The following GRHL1 variants were observed in gnomAD, a reference collection of about 807,000 sequenced individuals.
GRHL1 encodes the protein grainyhead like transcription factor 1.
In GRHL1, 38 loss-of-function variants were observed where a neutral mutation model predicts 75.7. The observed-to-expected ratio is 0.50, with a 90% CI of 0.39 to 0.66. The LOEUF (loss-of-function observed/expected upper bound fraction) is 0.66, where lower values mean the gene tolerates loss of function less well. Among genes scored for constraint, GRHL1 ranks in the 30% least tolerant of loss-of-function variants. The probability of loss-of-function intolerance (pLI) is 0.00; values close to 1 mark genes in which losing one functional copy is unlikely to be tolerated. For missense variants in GRHL1, 589 were observed against 767.5 expected, an observed-to-expected ratio of 0.77 and a Z score of 2.75; for synonymous variants, 266 against 279.4, an observed-to-expected ratio of 0.95 and a Z score of 0.48.
rs544883323 is a variant in GRHL1, at chr2:9,998,697, C to T, written c.1678-268C>T. Among the ~76,000 whole-genome samples, 6 of 40,132 alleles carry T rather than the reference C, an allele frequency of 1.5e-4. 1 individual carries two copies. The highest frequency in any genetic ancestry group is 5.8e-4 in the East Asian group (1 of 1,714). 26.3% of individuals were successfully genotyped at this position (40,132 alleles called of 152,430 possible). ...ATATATATACATATATATGTACACA[C>T]ATATATATACATATATATGTACACA... On this transcript the variant is annotated intron_variant, in intron 14 of 15. Coordinates refer to ENST00000324907, the MANE Select transcript of GRHL1 (RefSeq NM_198182.3).
rs367564342 is a variant in GRHL1 at position 9,996,453 on chromosome 2, A to G, written c.1677+52A>G. On this transcript the variant is annotated intron_variant, in intron 14 of 15. Transcript: ENST00000324907. ...CTGTACAAAATGAAAGGACAAGTAC[A>G]TAGGATTTCATTGAAACACTTTATC... The G allele has an allele frequency of 5.3e-6, 6 of 1,132,360 alleles. 1 individual carries two copies. Among genetic ancestry groups the G allele is most frequent in the South Asian group, 3.7e-5 (3 of 81,160 alleles). 70.1% of individuals were successfully genotyped at this position (1,132,360 alleles called of 1,614,324 possible).
At chr2:9,993,655 C>T (rs966756407) in intron 12 of GRHL1, among the ~76,000 whole-genome samples, 16 of 152,194 alleles carry the variant, frequency 1.1e-4, no homozygotes, top group African/African-American at 3.9e-4. Context: ...GTGTCTGCTG[C>T]TCTCTCATGG....
At chr2:9,993,407 C>T (rs1668727738) in intron 12 of GRHL1, among the ~76,000 whole-genome samples, 163 bp downstream of exon 12, 1 of 152,196 alleles carries the variant, frequency 6.6e-6, no homozygotes, top group South Asian at 2.1e-4. Context: ...GTATATATTT[C>T]CTACCAACAA....
At chr2:9,970,019 A>G (rs1430349120) in intron 8 of GRHL1, among the ~76,000 whole-genome samples, 1 of 151,760 alleles carries the variant, frequency 6.6e-6, no homozygotes, top group Non-Finnish European at 1.5e-5. Context: ...ATTTTTTTGT[A>G]TTTTTAGTAG....
At chr2:9,991,041 A>G (rs1024192549) in intron 10 of GRHL1, among the ~76,000 whole-genome samples, 8 of 152,162 alleles carry the variant, frequency 5.3e-5, no homozygotes, top group African/African-American at 1.9e-4. Context: ...AAAAATGACA[A>G]CACGTTCTGC....
chr2:9,999,097 AC>A (rs914131563), intron 15 of GRHL1, 68 bp downstream of exon 15: 55 of 688,278 alleles, frequency 8.0e-5, no homozygotes, highest in East Asian at 3.4e-4. Flanking sequence ...AGTGTGACGC[AC>A]CCCCCAGTGC....
At chr2:9,958,947 C>A in intron 3 of GRHL1, 91 bp downstream of exon 3, 1 of 1,532,076 alleles carries the variant, frequency 6.5e-7, no homozygotes, top group East Asian at 2.4e-5. Flanking sequence ...AATGAACAAC[C>A]ACTAGTGAAA....
At chr2:9,997,159 A>G (rs1668899901) in intron 14 of GRHL1, among the ~76,000 whole-genome samples, 1 of 152,172 alleles carries the variant, frequency 6.6e-6, no homozygotes, top group African/African-American at 2.4e-5. Context: ...ACATCTTGAT[A>G]AAGGGCTTGC....
chr2:9,955,468 G>A (rs73159948), intron 2 of GRHL1, among the ~76,000 whole-genome samples: 323 of 152,270 alleles, frequency 2.1e-3, no homozygotes, highest in African/African-American at 7.3e-3. Context: ...TGGGTAGTCA[G>A]GATGATTTCC....
intron 8 of GRHL1, among the ~76,000 whole-genome samples, chr2:9,971,647 TAAAC>T (rs144952156): frequency 0.017 from 2,656 of 152,304 alleles, 31 homozygotes; most frequent in Non-Finnish European, 0.025. Context: ...GCTATTAAAA[TAAAC>T]AATGAAATGT....
At chr2:9,966,155 T>G (rs1287350713) in intron 8 of GRHL1, 2 of 152,254 alleles carry the variant, frequency 1.3e-5, no homozygotes, top group Non-Finnish European at 2.9e-5. Flanking sequence ...CCCAGCACTT[T>G]GGGAGGCTGC....
At chr2:9,977,669 A>G (rs1366478595) in intron 8 of GRHL1, among the ~76,000 whole-genome samples, 1 of 152,180 alleles carries the variant, frequency 6.6e-6, no homozygotes, top group African/African-American at 2.4e-5. Context: ...CAAGGGACCT[A>G]GGGAACTTAC....
chr2:9,983,776 C>CTTT lies in GRHL1; in HGVS notation c.1111-2337_1111-2335dup, dbSNP rs71391180. Among the ~76,000 whole-genome samples the CTTT allele has an allele frequency of 6.6e-3, 954 of 144,064 alleles. 9 individuals carry two copies. The highest frequency in any genetic ancestry group is 0.019 in the African/African-American group (737 of 39,458). 94.5% of individuals were successfully genotyped at this position (144,064 alleles called of 152,430 possible). On this transcript the variant is annotated intron_variant, in intron 8 of 15. Transcript: ENST00000324907. ...TACTTTGCTTAGTTGTTTGCATGGA[C>CTTT]TTTTTTTTTTTTTAAACCTGAATGC...
chr2:9,999,072 G>GC (rs766931295), intron 15 of GRHL1, 43 bp downstream of exon 15: 7 of 1,038,798 alleles, frequency 6.7e-6, no homozygotes, highest in Non-Finnish European at 7.2e-6. Context: ...AAGTGCTGAT[G>GC]CCCCCCGCAG....
intron 1 of GRHL1, chr2:9,953,018 A>G (rs1486772546): frequency 2.0e-5 from 9 of 456,796 alleles, no homozygotes; most frequent in Admixed American, 1.9e-4. Flanking sequence ...ACTGAAGCCT[A>G]CTTCCTGACT....
intron 8 of GRHL1, among the ~76,000 whole-genome samples, chr2:9,978,915 C>T (rs528435346): frequency 2.8e-4 from 43 of 152,056 alleles, no homozygotes; most frequent in African/African-American, 7.7e-4. Flanking sequence ...CACTTCAACC[C>T]GGGAGGCGGA....
In GRHL1 at chr2:9,990,903, C is replaced by A; in HGVS notation, c.1321+156C>A. The A allele has an allele frequency of 1.8e-6, 1 of 558,608 alleles. No individual in the cohort carries two copies. The highest frequency in any genetic ancestry group is 3.0e-5 in the East Asian group (1 of 33,254). 34.6% of individuals were successfully genotyped at this position (558,608 alleles called of 1,614,324 possible). ...CTGCAGTGTGGCACTGCCTCTTCCT[C>A]AGATCAGCAGCAGATGCCAGCTCAG... is the stretch of plus-strand genomic sequence containing the variant. On this transcript the variant is annotated intron_variant, in intron 10 of 15. Coordinates refer to ENST00000324907, the MANE Select transcript of GRHL1 (RefSeq NM_198182.3). This position sits in a 1 kb window ranked among gnomAD's most constrained non-coding sequence, Gnocchi z 4.2.
chr2:9,981,774 A>G (rs10803712), intron 8 of GRHL1, among the ~76,000 whole-genome samples: 123,266 of 152,268 alleles, frequency 0.81, 50,151 homozygotes, highest in African/African-American at 0.89. Context: ...AAAAGCATGC[A>G]ATAAGCATAT....
chr2:10,001,190 AC>A lies in GRHL1; in HGVS notation c.*484del, dbSNP rs1408363226. On this transcript the variant is annotated 3_prime_UTR_variant, in exon 16 of 16. Coordinates refer to ENST00000324907, the MANE Select transcript of GRHL1 (RefSeq NM_198182.3). ...GTTAGCGGGAGCGCACCTGAAGAGT[AC>A]GGGGGGAGCCCTCTCTCCCTTACCC... The A allele has an allele frequency of 6.5e-6, 1 of 152,780 alleles. No individual in the cohort carries two copies. The highest frequency in any genetic ancestry group is 1.9e-4 in the East Asian group (1 of 5,198). The allele number at this position is 152,780 out of a possible 1,614,324, so 9.5% of individuals were successfully genotyped here.
Sources: gnomAD v4.1 joint callset for allele counts (sites outside exome capture counted in the v4.1 genomes callset) on GRCh38, gnomAD v4.1.1 for gene constraint, Gnocchi (gnomAD v3.1) non-coding constraint, MANE v1.5 for transcripts, NCBI Gene and HGNC (gene_info 2026-07-23, HGNC 2026-07-21) for gene names.